The following MGST1 variants were observed in gnomAD, a reference collection of about 807,000 sequenced individuals.
The protein encoded by MGST1 is microsomal glutathione S-transferase 1.
Under a neutral mutation model 8.9 loss-of-function variants are expected in MGST1, and 5 were observed. The ratio of observed to expected loss-of-function variants is 0.56; its 90% CI spans 0.29 to 1.19. MGST1 has a LOEUF of 1.19. Among genes scored for constraint, MGST1 ranks in the 50% most tolerant of loss-of-function variants. The probability of loss-of-function intolerance (pLI) is 0.08; values close to 1 mark genes in which losing one functional copy is unlikely to be tolerated. For missense variants in MGST1, 182 were observed against 187.4 expected (o/e 0.97, Z 0.17); for synonymous variants, 54 against 67.8 (o/e 0.80, Z 1.00).
chr12:16,587,200 C>T lies in MGST1; in HGVS notation n.483-2328C>T, dbSNP rs530342734. On this transcript the variant is annotated intron_variant and non_coding_transcript_variant, in intron 4 of 4. Coordinates refer to the MGST1 transcript ENST00000538857. The surrounding 1 kb of genome is among the most constrained non-coding windows in gnomAD (Gnocchi z 4.3). ...CAAATATATTCATAAGCTACACACACGAAAATGAAATGAACAAAGTGATTC... is the reference window on the plus strand; with the variant it reads ...CAAATATATTCATAAGCTACACACATGAAAATGAAATGAACAAAGTGATTC... Among the ~76,000 whole-genome samples, 66 of 152,168 alleles carry T rather than the reference C, an allele frequency of 4.3e-4. No homozygotes were observed. Among genetic ancestry groups the T allele is most frequent in the African/African-American group, 1.5e-3 (63 of 41,528 alleles).
intron 4 of MGST1, among the ~76,000 whole-genome samples, chr12:16,583,785 G>T (rs1591810494): frequency 6.6e-6 from 1 of 152,182 alleles, no homozygotes; most frequent in Non-Finnish European, 1.5e-5. Flanking sequence ...GCTAGCACAG[G>T]CATGGGAGGA....
rs557367515 is a variant in MGST1, at chr12:16,350,915, T to C, written c.-23+3205T>C. 7 of 152,312 alleles carry C rather than the reference T, an allele frequency of 4.6e-5. No homozygotes were observed. The South Asian group carries it at 1.4e-3, about 32-fold the overall frequency. 9.4% of individuals were successfully genotyped at this position (152,312 alleles called of 1,614,324 possible). ...TGAAGTGCACAGTGTGTTGTTCATT[T>C]TTAAAGAAAAGGCCTCCCATTGCCC... On this transcript the variant is annotated intron_variant, in intron 1 of 3. Coordinates refer to ENST00000396210, the MANE Select transcript of MGST1 (RefSeq NM_020300.5).
intron 1 of MGST1, chr12:16,400,171 T>C: frequency 8.3e-7 from 1 of 1,199,874 alleles, no homozygotes; most frequent in African/African-American, 1.5e-5. Context: ...ATGTTGATGT[T>C]TCCCTAAGTC....
intron 1 of MGST1, among the ~76,000 whole-genome samples, chr12:16,422,806 G>T (rs1448774238): frequency 6.6e-6 from 1 of 152,112 alleles, no homozygotes; most frequent in Non-Finnish European, 1.5e-5. Flanking sequence ...CACAAATTAT[G>T]AGAAGGCCCC....
At position 16,568,425 on chromosome 12, in the gene MGST1, C is replaced by T. The variant is rs563443297; in HGVS notation, n.483-21103C>T. 2.9e-4 allele frequency among the ~76,000 whole-genome samples: 44 copies of T among 152,098 alleles called. No homozygotes were observed. In the South Asian group the frequency reaches 9.1e-3, roughly 32 times the overall value. On this transcript the variant is annotated intron_variant and non_coding_transcript_variant, in intron 4 of 4. Coordinates refer to the MGST1 transcript ENST00000538857. The stretch of plus-strand genomic sequence containing the variant: ...AAATGGCTGGTTTCTCCCCAACCTC[C>T]AATCCACTCATAATCCAAGCTAAGT...
chr12:16,484,421 T>C (rs1941385325), intron 4 of MGST1, among the ~76,000 whole-genome samples: 1 of 152,178 alleles, frequency 6.6e-6, no homozygotes, highest in South Asian at 2.1e-4. Flanking sequence ...TGTTTGTTTG[T>C]TTATTTTTTT....
chr12:16,429,587 CAATT>C (rs1331983461), intron 1 of MGST1, among the ~76,000 whole-genome samples: 1 of 151,992 alleles, frequency 6.6e-6, no homozygotes, highest in South Asian at 2.1e-4. Flanking sequence ...GCAAATATCT[CAATT>C]AAGTGAGTCA....
Position 16,434,637 on chromosome 12 carries a change from G to T in MGST1, n.779-2751G>T, listed in dbSNP as rs191254362. Among the ~76,000 whole-genome samples the T allele has an allele frequency of 2.0e-4, 30 of 151,798 alleles. No homozygotes were observed. The East Asian group carries it at 5.6e-3, about 29-fold the overall frequency. On this transcript the variant is annotated intron_variant and non_coding_transcript_variant, in intron 1 of 1. Coordinates refer to the MGST1 transcript ENST00000359720. ...TTTTTCTTTCTTCTCCCCCTCCTTT[G>T]CTCCCCTTCTACCTGCACTTTTTTC... is the stretch of plus-strand genomic sequence containing the variant.
rs1392896611 is a variant in MGST1 at position 16,546,054 on chromosome 12, G to A, written n.483-43474G>A. Among the ~76,000 whole-genome samples, 1 of 152,028 alleles carries A rather than the reference G, an allele frequency of 6.6e-6. No homozygotes were observed. The highest frequency in any genetic ancestry group is 1.5e-5 in the Non-Finnish European group (1 of 67,952). On this transcript the variant is annotated intron_variant and non_coding_transcript_variant, in intron 4 of 4. Coordinates refer to the MGST1 transcript ENST00000538857. The surrounding 1 kb of genome is among the most constrained non-coding windows in gnomAD (Gnocchi z 4.7). ...ACCTGGCTGTGCTTTCATTTTAATA[G>A]TACCTGTGTCACAGGGGTGTTGTGG...
At chr12:16,467,733 A>C (rs940300112) in intron 4 of MGST1, among the ~76,000 whole-genome samples, 1 of 152,246 alleles carries the variant, frequency 6.6e-6, no homozygotes, top group African/African-American at 2.4e-5. Flanking sequence ...AGTATCCACC[A>C]GTCAGAAACA....
chr12:16,416,314 G>T (rs527482533), intron 1 of MGST1, among the ~76,000 whole-genome samples: 105 of 152,298 alleles, frequency 6.9e-4, no homozygotes, highest in African/African-American at 2.5e-3. Flanking sequence ...AGTTGGAAAT[G>T]AGTAAGGGTC....
intron 4 of MGST1, among the ~76,000 whole-genome samples, chr12:16,558,051 A>G (rs2137308619): frequency 1.3e-5 from 2 of 152,216 alleles, no homozygotes; most frequent in East Asian, 3.9e-4. Flanking sequence ...TGAACTCAGA[A>G]AAGCTTAAAA....
chr12:16,550,289 G>GAAGT (rs1941941445), intron 4 of MGST1: 1 of 152,366 alleles, frequency 6.6e-6, no homozygotes, highest in South Asian at 2.1e-4. Flanking sequence ...TATACAAGAA[G>GAAGT]AAGTTTAATT....
chr12:16,355,050 T>C (rs188908438), intron 2 of MGST1, among the ~76,000 whole-genome samples: 1 of 152,160 alleles, frequency 6.6e-6, no homozygotes, highest in Admixed American at 6.5e-5. Context: ...CTTTACAAAA[T>C]TAAAATATTT....
At position 16,363,568 on chromosome 12, in the gene MGST1, G is replaced by T; in HGVS notation, c.222-227G>T. ...CTAGGAACTACAAAATGCCTTCTGT[G>T]ATATTTAAAGATACACTAAAAATAA... is the stretch of plus-strand genomic sequence containing the variant. On this transcript the variant is annotated intron_variant, in intron 3 of 3. Coordinates refer to ENST00000396210, the MANE Select transcript of MGST1 (RefSeq NM_020300.5). The surrounding 1 kb of genome is among the most constrained non-coding windows in gnomAD (Gnocchi z 4.6). The T allele has an allele frequency of 3.2e-6, 1 of 314,546 alleles. No individual in the cohort carries two copies. Among genetic ancestry groups the T allele is most frequent in the Non-Finnish European group, 5.8e-6 (1 of 172,954 alleles). 19.5% of individuals were successfully genotyped at this position (314,546 alleles called of 1,614,324 possible).
In MGST1 at chr12:16,560,616, A is replaced by G; in HGVS notation, n.483-28912A>G. ...GATCGTGAAGAGAGATGATGTTAAT[A>G]TACTCTGTAAAGCTACAATACACAA... On this transcript the variant is annotated intron_variant and non_coding_transcript_variant, in intron 4 of 4. Transcript: ENST00000538857. This position sits in a 1 kb window ranked among gnomAD's most constrained non-coding sequence, Gnocchi z 5.0. The G allele has an allele frequency of 7.9e-7, 1 of 1,271,922 alleles. No individual in the cohort carries two copies. The highest frequency in any genetic ancestry group is 1.1e-6 in the Non-Finnish European group (1 of 896,968). The allele number at this position is 1,271,922 out of a possible 1,614,324, so 78.8% of individuals were successfully genotyped here. A position where few individuals can be genotyped will look rare whatever the true frequency, so the allele number is the denominator to read the frequency against.
At chr12:16,432,731 C>CACACACACACACAGAGAGAG (rs775306657) in intron 1 of MGST1, among the ~76,000 whole-genome samples, 8 of 132,758 alleles carry the variant, frequency 6.0e-5, no homozygotes, top group Non-Finnish European at 1.1e-4. Flanking sequence ...CACACACACA[C>CACACACACACACAGAGAGAG]AGAGAGAGAG....
rs1591777075 is a variant in MGST1 at position 16,560,814 on chromosome 12, G to A, written n.483-28714G>A. The A allele has an allele frequency of 2.2e-6, 1 of 450,516 alleles. No homozygotes were observed. 27.9% of individuals were successfully genotyped at this position (450,516 alleles called of 1,614,324 possible). On this transcript the variant is annotated intron_variant and non_coding_transcript_variant, in intron 4 of 4. Coordinates refer to the MGST1 transcript ENST00000538857. The surrounding 1 kb of genome is among the most constrained non-coding windows in gnomAD (Gnocchi z 5.0). ...ACTGCACATAAACAGAAGTCAATGG[G>A]GGTGAATTCATAGCAAAAATCTCTG...
At chr12:16,533,676 T>C (rs1591753927) in intron 4 of MGST1, among the ~76,000 whole-genome samples, 2 of 151,986 alleles carry the variant, frequency 1.3e-5, no homozygotes, top group Non-Finnish European at 2.9e-5. Flanking sequence ...CAGATATTGT[T>C]ATAGATCCTA....
Sources: gnomAD v4.1 joint callset for allele counts (sites outside exome capture counted in the v4.1 genomes callset) on GRCh38, gnomAD v4.1.1 for gene constraint, Gnocchi (gnomAD v3.1) non-coding constraint, MANE v1.5 for transcripts, NCBI Gene and HGNC (gene_info 2026-07-23, HGNC 2026-07-21) for gene names.